The following AFF3 variants were observed in gnomAD, a reference collection of about 807,000 sequenced individuals.
The protein encoded by AFF3 is AF4/FMR2 family member 3.
AFF3 carries 32 observed loss-of-function variants against 129.7 expected under a neutral mutation model. The observed-to-expected ratio is 0.25, with a 90% CI of 0.19 to 0.33. The LOEUF is 0.33. AFF3 is among the 10% of genes least tolerant of loss of function. The pLI is 1.00. For synonymous variants in AFF3, 644 were observed against 635.4 expected (o/e 1.01, Z -0.20); for missense variants, 1,373 against 1,592.0 (o/e 0.86, Z 2.34).
intron 7 of AFF3, among the ~76,000 whole-genome samples, chr2:99,872,770 C>T (rs1336190768): frequency 2.6e-5 from 4 of 152,030 alleles, no homozygotes; most frequent in Admixed American, 6.5e-5. Flanking sequence ...AATATAACAT[C>T]GTTCATTATA....
chr2:99,964,968 T>G (rs1273919790), intron 7 of AFF3, among the ~76,000 whole-genome samples: 3 of 152,248 alleles, frequency 2.0e-5, no homozygotes, highest in Non-Finnish European at 4.4e-5. Flanking sequence ...CACCTGTGGA[T>G]GCTGACTATA....
At chr2:99,570,907 G>A (rs918769333) in intron 18 of AFF3, among the ~76,000 whole-genome samples, 6 of 152,156 alleles carry the variant, frequency 3.9e-5, no homozygotes, top group African/African-American at 9.7e-5. Flanking sequence ...AATTTCCCCC[G>A]CCGTAAGGCG....
intron 12 of AFF3, among the ~76,000 whole-genome samples, chr2:99,666,140 T>C (rs974505656): frequency 1.3e-5 from 2 of 152,108 alleles, no homozygotes; most frequent in Admixed American, 1.3e-4. Flanking sequence ...TATTGAGAAG[T>C]TTAGGTTTCT....
At chr2:99,948,311 C>G (rs930719273) in intron 7 of AFF3, among the ~76,000 whole-genome samples, 1 of 152,114 alleles carries the variant, frequency 6.6e-6, no homozygotes, top group Non-Finnish European at 1.5e-5. Flanking sequence ...CAAAACTCAC[C>G]CCTTTATGAA....
chr2:99,813,535 C>A (rs779273200), intron 8 of AFF3, among the ~76,000 whole-genome samples: 122 of 152,310 alleles, frequency 8.0e-4, no homozygotes, highest in Non-Finnish European at 1.2e-3. Context: ...GATCCTCATG[C>A]TCATGTTGGC....
chr2:99,939,851 C>T (rs1421057372), intron 7 of AFF3, among the ~76,000 whole-genome samples: 3 of 152,080 alleles, frequency 2.0e-5, no homozygotes, highest in South Asian at 2.1e-4. Context: ...GTCAGTTTTC[C>T]GCTGGGATAG....
At chr2:99,809,650 G>T (rs1017872101) in intron 8 of AFF3, among the ~76,000 whole-genome samples, 2 of 152,150 alleles carry the variant, frequency 1.3e-5, no homozygotes, top group African/African-American at 4.8e-5. Flanking sequence ...GCCATTTAGT[G>T]CCCATGGAGC....
intron 7 of AFF3, among the ~76,000 whole-genome samples, chr2:99,937,545 C>A (rs899452203): frequency 6.6e-6 from 1 of 152,098 alleles, no homozygotes; most frequent in African/African-American, 2.4e-5. Context: ...ACTACAGGCG[C>A]CTGCTACCAC....
intron 4 of AFF3, among the ~76,000 whole-genome samples, chr2:100,095,598 T>A (rs1038697996): frequency 6.6e-6 from 1 of 152,224 alleles, no homozygotes; most frequent in African/African-American, 2.4e-5. Flanking sequence ...CCCCCCATTG[T>A]TTAAATCCAG....
chr2:99,811,802 A>T (rs1686811520), intron 8 of AFF3, among the ~76,000 whole-genome samples: 1 of 152,280 alleles, frequency 6.6e-6, no homozygotes, highest in African/African-American at 2.4e-5. Flanking sequence ...TCATGCACAC[A>T]GTTAAAATAA....
intron 7 of AFF3, among the ~76,000 whole-genome samples, chr2:99,843,796 T>G (rs898749677): frequency 2.6e-5 from 4 of 152,190 alleles, no homozygotes; most frequent in Admixed American, 2.0e-4. Context: ...AATTTAAAAA[T>G]ATTTAAAAAT....
At chr2:99,582,581 C>T (rs561763870) in intron 17 of AFF3, among the ~76,000 whole-genome samples, 2 of 152,288 alleles carry the variant, frequency 1.3e-5, no homozygotes, top group South Asian at 2.1e-4. Context: ...CCTAAGCAAC[C>T]GAGGGTTAGA....
intron 7 of AFF3, among the ~76,000 whole-genome samples, chr2:99,872,594 A>AAAAT (rs1558934372): frequency 0.029 from 3,765 of 127,644 alleles, 70 homozygotes; most frequent in South Asian, 0.054. Context: ...TGCTTCTTAC[A>AAAAT]AAAATAAAAT....
At chr2:99,835,995 A>T (rs189194911) in intron 8 of AFF3, among the ~76,000 whole-genome samples, 1 of 152,282 alleles carries the variant, frequency 6.6e-6, no homozygotes, top group Non-Finnish European at 1.5e-5. Flanking sequence ...AGTTTTATTC[A>T]AATTGAATTT....
At chr2:99,679,502 A>G (rs1011721755) in intron 11 of AFF3, among the ~76,000 whole-genome samples, 6 of 152,160 alleles carry the variant, frequency 3.9e-5, no homozygotes, top group African/African-American at 1.4e-4. Flanking sequence ...CTCATTTGGG[A>G]AACCTGCCAA....
intron 4 of AFF3, among the ~76,000 whole-genome samples, chr2:100,080,873 C>T (rs10192059): frequency 0.016 from 2,387 of 152,064 alleles, 68 homozygotes; most frequent in African/African-American, 0.055. Context: ...TAAGTTGTAC[C>T]CAGTAGCTGG....
chr2:99,961,729 C>G (rs1677228004), intron 7 of AFF3, among the ~76,000 whole-genome samples: 2 of 152,320 alleles, frequency 1.3e-5, no homozygotes, highest in Admixed American at 6.5e-5. Context: ...GTAAACTAGT[C>G]AGAGACGCTG....
intron 11 of AFF3, among the ~76,000 whole-genome samples, chr2:99,708,884 A>T (rs1677650223): frequency 6.6e-6 from 1 of 152,248 alleles, no homozygotes; most frequent in Non-Finnish European, 1.5e-5. Context: ...AGACACATTG[A>T]TATTCAGTAT....
intron 8 of AFF3, among the ~76,000 whole-genome samples, chr2:99,830,817 T>C (rs571769967): frequency 1.7e-3 from 261 of 152,352 alleles, no homozygotes; most frequent in Non-Finnish European, 2.3e-3. Flanking sequence ...TTTCATACCA[T>C]GCTGTTTATT....
Sources: gnomAD v4.1 joint callset for allele counts (sites outside exome capture counted in the v4.1 genomes callset) on GRCh38, gnomAD v4.1.1 for gene constraint, MANE v1.5 for transcripts, NCBI Gene and HGNC (gene_info 2026-07-23, HGNC 2026-07-21) for gene names.